The following PLAAT1 variants were observed in gnomAD, a reference collection of about 807,000 sequenced individuals.
PLAAT1 encodes the protein H-REV107 protein-related protein.
In PLAAT1, 13 loss-of-function variants were observed where a neutral mutation model predicts 16.4. The observed-to-expected ratio is 0.79, with a 90% CI of 0.52 to 1.26. PLAAT1 has a LOEUF of 1.26. Ranked by LOEUF, PLAAT1 falls within the 50% of genes most tolerant of loss-of-function variation. The pLI, the probability that PLAAT1 is intolerant of heterozygous loss-of-function variation, is 0.00. For missense variants in PLAAT1, 218 were observed against 207.8 expected (o/e 1.05, Z -0.30); for synonymous variants, 73 against 78.4 (o/e 0.93, Z 0.36).
chr3:193,278,599 C>T (rs186236558), downstream of PLAAT1, among the ~76,000 whole-genome samples: 2 of 152,246 alleles, frequency 1.3e-5, no homozygotes, highest in East Asian at 3.9e-4. Context: ...TGGGAATATC[C>T]CTACCTCCTA....
downstream of PLAAT1, among the ~76,000 whole-genome samples, chr3:193,272,425 A>G (rs1337047365): frequency 6.6e-6 from 1 of 151,882 alleles, no homozygotes; most frequent in Non-Finnish European, 1.5e-5. Context: ...CTGGGCGACG[A>G]CAGAGCGAGA....
intron 3 of PLAAT1, among the ~76,000 whole-genome samples, chr3:193,265,350 A>T (rs780091959): frequency 3.9e-5 from 6 of 152,188 alleles, no homozygotes; most frequent in Non-Finnish European, 8.8e-5. Flanking sequence ...TGGACCTTGA[A>T]AACATTATGC....
At chr3:193,273,010 A>G (rs746937102), downstream of PLAAT1, among the ~76,000 whole-genome samples, 1 of 152,232 alleles carries the variant, frequency 6.6e-6, no homozygotes, top group Non-Finnish European at 1.5e-5. Flanking sequence ...GTTCAACTTT[A>G]TCACATTCTA....
At chr3:193,274,583 A>G (rs1467668788), downstream of PLAAT1, among the ~76,000 whole-genome samples, 1 of 152,246 alleles carries the variant, frequency 6.6e-6, no homozygotes, top group Non-Finnish European at 1.5e-5. Flanking sequence ...TATGAAAAGC[A>G]TACCAGTGAA....
At chr3:193,255,857 G>A in intron 2 of PLAAT1, 68 bp downstream of exon 2, 8 of 1,317,594 alleles carry the variant, frequency 6.1e-6, no homozygotes, top group Admixed American at 5.0e-5. Context: ...AGTAATCATG[G>A]GTGAAATAAT....
intron 3 of PLAAT1, among the ~76,000 whole-genome samples, chr3:193,265,619 A>C (rs185527658): frequency 3.7e-4 from 56 of 152,322 alleles, no homozygotes; most frequent in African/African-American, 1.2e-3. Flanking sequence ...CAGTGGGTAA[A>C]TATATGGTGT....
At chr3:193,269,906 G>T (rs2108804426) in intron 3 of PLAAT1, among the ~76,000 whole-genome samples, 1 of 152,200 alleles carries the variant, frequency 6.6e-6, no homozygotes, top group Non-Finnish European at 1.5e-5. Flanking sequence ...CTTGAGAGTG[G>T]TTTGTCTACA....
chr3:193,240,850 A>T (rs920412451), upstream of PLAAT1, among the ~76,000 whole-genome samples: 6 of 152,142 alleles, frequency 3.9e-5, no homozygotes, highest in African/African-American at 1.4e-4. Flanking sequence ...CCCTAAGGGA[A>T]TTTTTGTTAG....
At position 193,255,706 on chromosome 3, in the gene PLAAT1, A is replaced by G. The variant is rs773888382; in HGVS notation, c.56A>G (p.Asp19Gly). ...TACCCTGGCAACCCCTGCCCAGGGG[A>G]CTTGATCGAAGTGTTCCGTCCTGGC... ...LNYPGNPCPG[D>G]LIEVFRPGYQ... The change falls in exon 2 of 4, where the codon GAC becomes GGC. Residue 19 changes from aspartate to glycine, a missense_variant. Transcript: ENST00000264735. 4.3e-6 allele frequency: 7 copies of G among 1,613,078 alleles called. No individual in the cohort carries two copies. Among genetic ancestry groups the G allele is most frequent in the Non-Finnish European group, 5.9e-6 (7 of 1,179,436 alleles).
exon 1 of PLAAT1, chr3:193,241,202 GGAGCGGGCGGCTCCCCATGGTCA>G: frequency 8.2e-7 from 1 of 1,222,270 alleles, no homozygotes; most frequent in Non-Finnish European, 1.0e-6. Flanking sequence ...CCTCCTGGGC[GGAGCGGGCGGCTCCCCATGGTCA>G]GAGCCTCGTG....
chr3:193,245,719 A>G (rs771477282), intron 1 of PLAAT1, among the ~76,000 whole-genome samples: 6 of 152,218 alleles, frequency 3.9e-5, no homozygotes, highest in Non-Finnish European at 8.8e-5. Flanking sequence ...TTTTGGTAAC[A>G]GCCCTTCTAA....
downstream of PLAAT1, chr3:193,279,249 T>C (rs1717367976): frequency 1.3e-6 from 1 of 770,286 alleles, no homozygotes; most frequent in African/African-American, 1.7e-5. Flanking sequence ...TATATAGAAA[T>C]AGCCTCACAG....
chr3:193,275,074 G>T, downstream of PLAAT1: 2 of 1,614,200 alleles, frequency 1.2e-6, no homozygotes, highest in Non-Finnish European at 8.5e-7. Flanking sequence ...TGTTCTGTGG[G>T]TTGGCCTCCC....
At chr3:193,258,304 G>C (rs1232572349) in intron 2 of PLAAT1, among the ~76,000 whole-genome samples, 2 of 152,102 alleles carry the variant, frequency 1.3e-5, no homozygotes, top group Non-Finnish European at 2.9e-5. Flanking sequence ...CTGTCATTAA[G>C]AAGTTAGAAG....
At chr3:193,249,910 T>G (rs150176578) in intron 1 of PLAAT1, among the ~76,000 whole-genome samples, 493 of 152,218 alleles carry the variant, frequency 3.2e-3, no homozygotes, top group Non-Finnish European at 4.9e-3. Flanking sequence ...TTTCCCTACC[T>G]CAATAAAAAT....
chr3:193,271,194 T>TG (rs1716972309), downstream of PLAAT1, among the ~76,000 whole-genome samples: 1 of 152,122 alleles, frequency 6.6e-6, no homozygotes, highest in Non-Finnish European at 1.5e-5. Flanking sequence ...ACAAGCCTTT[T>TG]GGGGAATGCA....
chr3:193,276,698 T>C, intron 2 of PLAAT1: 1 of 1,322,662 alleles, frequency 7.6e-7, no homozygotes, highest in Non-Finnish European at 1.1e-6. Context: ...CTGCTGAAAA[T>C]GAGATCCTTA....
chr3:193,274,364 T>C (rs1048031918), downstream of PLAAT1, among the ~76,000 whole-genome samples: 1 of 152,260 alleles, frequency 6.6e-6, no homozygotes, highest in Non-Finnish European at 1.5e-5. Flanking sequence ...TAAACTTTCC[T>C]GTTCACTGGC....
chr3:193,270,801 G>T lies in PLAAT1; in HGVS notation c.*96G>T. 3 of 1,456,724 alleles carry T rather than the reference G, an allele frequency of 2.1e-6. No homozygotes were observed. The highest frequency in any genetic ancestry group is 2.4e-5 in the Admixed American group (1 of 41,278). 90.2% of individuals were successfully genotyped at this position (1,456,724 alleles called of 1,614,324 possible). On this transcript the variant is annotated 3_prime_UTR_variant, in exon 4 of 4. Transcript: ENST00000264735. ...TTTTCAGTGCATCATTACTGTTCCAGATTCCTATGATGGATGGCAGACTCT... is the reference window on the plus strand; with the variant it reads ...TTTTCAGTGCATCATTACTGTTCCATATTCCTATGATGGATGGCAGACTCT...
Sources: allele counts gnomAD v4.1 joint callset (sites outside exome capture counted in the v4.1 genomes callset), GRCh38; gene constraint gnomAD v4.1.1; transcripts MANE v1.5; gene names NCBI Gene and HGNC (gene_info 2026-07-23, HGNC 2026-07-21).